ERC2: variants seen among roughly 807,000 people sequenced by gnomAD.
ERC2 encodes the protein ELKS/RAB6-interacting/CAST family member 2.
Under a neutral mutation model 114.8 loss-of-function variants are expected in ERC2, and 42 were observed. That is an observed-to-expected ratio of 0.37 (90% CI 0.29 to 0.47). The LOEUF is 0.47. ERC2 is among the 20% of genes least tolerant of loss of function. The pLI is 0.99. For missense variants in ERC2, 939 were observed against 1,150.7 expected, an observed-to-expected ratio of 0.82 and a Z score of 2.66; for synonymous variants, 454 against 425.5, an observed-to-expected ratio of 1.07 and a Z score of -0.82.
chr3:55,611,601 A>G (rs904424902), intron 17 of ERC2, among the ~76,000 whole-genome samples: 1 of 152,162 alleles, frequency 6.6e-6, no homozygotes, highest in East Asian at 1.9e-4. Flanking sequence ...GAGCTGGGAC[A>G]TCACTGCTTC....
At chr3:56,418,367 T>G (rs1221095075) in intron 2 of ERC2, among the ~76,000 whole-genome samples, 1 of 151,932 alleles carries the variant, frequency 6.6e-6, no homozygotes, top group Non-Finnish European at 1.5e-5. Context: ...GTTGTTTAAT[T>G]CAGAGTCCTC....
At chr3:55,603,493 G>T (rs1315136553) in intron 17 of ERC2, among the ~76,000 whole-genome samples, 2 of 151,870 alleles carry the variant, frequency 1.3e-5, no homozygotes, top group South Asian at 2.1e-4. Context: ...TTAGCCAGGC[G>T]TGGTGGTGGA....
At chr3:55,649,339 C>A (rs964955994) in intron 17 of ERC2, among the ~76,000 whole-genome samples, 2 of 149,880 alleles carry the variant, frequency 1.3e-5, no homozygotes, top group South Asian at 2.1e-4. Context: ...TGGCTCACTG[C>A]AACCTCTGCC....
chr3:56,104,441 A>C (rs1013940237), intron 6 of ERC2, among the ~76,000 whole-genome samples: 1 of 152,058 alleles, frequency 6.6e-6, no homozygotes, highest in Non-Finnish European at 1.5e-5. Context: ...TAAACATTTC[A>C]CCTCTAATTT....
chr3:56,152,040 T>C (rs1180573726), intron 4 of ERC2, among the ~76,000 whole-genome samples: 1 of 152,162 alleles, frequency 6.6e-6, no homozygotes, highest in African/African-American at 2.4e-5. Context: ...ATAAACAAGC[T>C]CTGGAAGCAG....
At chr3:56,192,466 A>C (rs1159047142) in intron 3 of ERC2, among the ~76,000 whole-genome samples, 1 of 152,240 alleles carries the variant, frequency 6.6e-6, no homozygotes, top group Non-Finnish European at 1.5e-5. Flanking sequence ...TTCCAGAAGA[A>C]GTTTAAAGCA....
intron 14 of ERC2, among the ~76,000 whole-genome samples, chr3:55,820,024 C>T (rs1487818398): frequency 6.6e-6 from 1 of 152,152 alleles, no homozygotes; most frequent in Non-Finnish European, 1.5e-5. Flanking sequence ...TAATTGTGCC[C>T]ATGAGGTTGT....
At chr3:56,284,132 G>A (rs2054529721) in intron 3 of ERC2, among the ~76,000 whole-genome samples, 1 of 152,194 alleles carries the variant, frequency 6.6e-6, no homozygotes, top group African/African-American at 2.4e-5. Flanking sequence ...AAAAACTCAA[G>A]TTTAGAGAAG....
At chr3:55,576,454 T>C (rs2056985936) in intron 17 of ERC2, among the ~76,000 whole-genome samples, 1 of 152,100 alleles carries the variant, frequency 6.6e-6, no homozygotes, top group Non-Finnish European at 1.5e-5. Context: ...ATTTTACAGA[T>C]GAGGAAACCG....
At chr3:55,826,427 T>C (rs1053779375) in intron 14 of ERC2, among the ~76,000 whole-genome samples, 10 of 152,202 alleles carry the variant, frequency 6.6e-5, no homozygotes, top group Non-Finnish European at 5.9e-5. Flanking sequence ...TTGAAGCCTA[T>C]TTGACACTGG....
Position 56,444,128 on chromosome 3 carries a change from A to ATT in ERC2, c.-140-8983_-140-8982dup, listed in dbSNP as rs552859347. ...AGGCGCCCACCACCACACCTGGCTA[A>ATT]TTTTTTTTTTTTTTTTTTAGTTTTA... is the stretch of plus-strand genomic sequence containing the variant. On this transcript the variant is annotated intron_variant, in intron 1 of 17. Coordinates refer to ENST00000288221, the MANE Select transcript of ERC2 (RefSeq NM_015576.3). Among the ~76,000 whole-genome samples, 67 of 134,842 alleles carry ATT rather than the reference A, an allele frequency of 5.0e-4. 2 individuals carry two copies. The South Asian group carries it at 0.016, about 32-fold the overall frequency. 88.5% of individuals were successfully genotyped at this position (134,842 alleles called of 152,430 possible). A position where few individuals can be genotyped will look rare whatever the true frequency, so the allele number is the denominator to read the frequency against.
At position 55,902,433 on chromosome 3, in the gene ERC2, A is replaced by C. The variant is rs2064185998; in HGVS notation, c.2404-13884T>G. ...TCTTAATTGGTTAACCTTGGGAAAA[A>C]TCACTTCATACAGGGAAAACTCAGA... On this transcript the variant is annotated intron_variant, in intron 13 of 17. Transcript: ENST00000288221. 2.0e-5 allele frequency among the ~76,000 whole-genome samples: 3 copies of C among 152,076 alleles called. No homozygotes were observed. In the South Asian group the frequency reaches 6.2e-4, roughly 32 times the overall value.
At chr3:55,794,796 CA>C (rs1261484075) in intron 14 of ERC2, among the ~76,000 whole-genome samples, 1 of 152,092 alleles carries the variant, frequency 6.6e-6, no homozygotes, top group Non-Finnish European at 1.5e-5. Context: ...CATAATTTTG[CA>C]AAACTTTGTT....
chr3:56,172,073 T>C (rs2082707932), intron 4 of ERC2, among the ~76,000 whole-genome samples: 1 of 151,598 alleles, frequency 6.6e-6, no homozygotes, highest in East Asian at 1.9e-4. Flanking sequence ...TCAGGTTTGA[T>C]TCCAATGTGA....
chr3:56,399,705 C>T (rs999562658), intron 2 of ERC2, among the ~76,000 whole-genome samples: 3 of 151,992 alleles, frequency 2.0e-5, no homozygotes, highest in Admixed American at 1.3e-4. Context: ...TATATTATTT[C>T]CCTAAAAGAG....
At chr3:56,385,315 C>T (rs143235955) in intron 2 of ERC2, among the ~76,000 whole-genome samples, 18 of 152,166 alleles carry the variant, frequency 1.2e-4, no homozygotes, top group Non-Finnish European at 1.8e-4. Flanking sequence ...CAATCTGGTG[C>T]CTCTTCTATA....
chr3:56,048,794 C>G (rs747976179), intron 7 of ERC2, among the ~76,000 whole-genome samples: 1 of 152,110 alleles, frequency 6.6e-6, no homozygotes, highest in Non-Finnish European at 1.5e-5. Context: ...GGGACACAGT[C>G]AATAAACAAG....
chr3:56,118,222 A>G (rs924653405), intron 6 of ERC2, among the ~76,000 whole-genome samples: 1 of 152,214 alleles, frequency 6.6e-6, no homozygotes, highest in Non-Finnish European at 1.5e-5. Flanking sequence ...TGCTAGACAT[A>G]GAGTAAATGC....
At chr3:55,977,623 T>C (rs2069696055) in intron 12 of ERC2, among the ~76,000 whole-genome samples, 1 of 152,188 alleles carries the variant, frequency 6.6e-6, no homozygotes, top group Non-Finnish European at 1.5e-5. Flanking sequence ...TTCTTACACA[T>C]TGTTGATGGG....
Sources: allele counts gnomAD v4.1 joint callset (sites outside exome capture counted in the v4.1 genomes callset), GRCh38; gene constraint gnomAD v4.1.1; transcripts MANE v1.5; gene names NCBI Gene and HGNC (gene_info 2026-07-23, HGNC 2026-07-21).